ACAP2: variants seen among roughly 807,000 people sequenced by gnomAD.
ACAP2 encodes arf-GAP with coiled-coil, ANK repeat and PH domain-containing protein 2.
Under a neutral mutation model 115.8 loss-of-function variants are expected in ACAP2, and 39 were observed. The ratio of observed to expected loss-of-function variants is 0.34; its 90% CI spans 0.26 to 0.44. The LOEUF (loss-of-function observed/expected upper bound fraction) is 0.44, where lower values mean the gene tolerates loss of function less well. ACAP2 is among the 20% of genes least tolerant of loss of function. ACAP2 has a pLI of 1.00. For missense variants in ACAP2, 662 were observed against 927.6 expected (o/e 0.71, Z 3.72); for synonymous variants, 289 against 315.8 (o/e 0.92, Z 0.90).
At chr3:195,331,443 G>T (rs139912916) in intron 8 of ACAP2, among the ~76,000 whole-genome samples, 3,286 of 151,970 alleles carry the variant, frequency 0.022, 57 homozygotes, top group Non-Finnish European at 0.033. Context: ...CTCCCGAGTA[G>T]CTGGGACTAC....
chr3:195,424,440 G>T (rs569111751), intron 1 of ACAP2, among the ~76,000 whole-genome samples: 2 of 150,380 alleles, frequency 1.3e-5, no homozygotes, highest in Non-Finnish European at 3.0e-5. Context: ...GATTACAGGC[G>T]CCTGCCCACC....
chr3:195,441,640 G>C (rs926120095), intron 1 of ACAP2, among the ~76,000 whole-genome samples: 1 of 152,178 alleles, frequency 6.6e-6, no homozygotes, highest in Non-Finnish European at 1.5e-5. Context: ...TTACAATCCA[G>C]GCTTGGCCCA....
chr3:195,428,557 A>G (rs572230997), intron 1 of ACAP2, among the ~76,000 whole-genome samples: 1 of 152,274 alleles, frequency 6.6e-6, no homozygotes, highest in Admixed American at 6.5e-5. Context: ...AACAAGCTGT[A>G]CAGGTTTGTA....
intron 4 of ACAP2, among the ~76,000 whole-genome samples, chr3:195,377,437 G>A (rs866872504): frequency 4.0e-5 from 6 of 151,730 alleles, no homozygotes; most frequent in African/African-American, 1.5e-4. Context: ...GAGCCACCAC[G>A]CCCAGCCTAC....
At chr3:195,341,321 G>GGT (rs1730853544) in intron 6 of ACAP2, among the ~76,000 whole-genome samples, 2 of 107,046 alleles carry the variant, frequency 1.9e-5, no homozygotes, top group African/African-American at 7.3e-5. Flanking sequence ...TATTGTGTGG[G>GGT]TTTTTTTTTT....
intron 15 of ACAP2, among the ~76,000 whole-genome samples, chr3:195,301,181 G>T (rs1728028246): frequency 6.6e-6 from 1 of 151,896 alleles, no homozygotes; most frequent in Non-Finnish European, 1.5e-5. Context: ...TGCCTCCCGG[G>T]TTCACGCCAT....
intron 1 of ACAP2, among the ~76,000 whole-genome samples, chr3:195,439,191 C>CTT (rs3072388): frequency 0.3 from 40,614 of 133,168 alleles, 7,407 homozygotes; most frequent in East Asian, 0.72. Flanking sequence ...AGGCTAAGGC[C>CTT]TTTTTTTTTT....
intron 4 of ACAP2, among the ~76,000 whole-genome samples, chr3:195,353,256 G>C (rs1422534408): frequency 6.6e-6 from 1 of 152,074 alleles, no homozygotes; most frequent in Non-Finnish European, 1.5e-5. Context: ...CTGAGTCAGA[G>C]TCACCCAACT....
chr3:195,349,275 A>C (rs1266880866), intron 4 of ACAP2, among the ~76,000 whole-genome samples: 2 of 152,152 alleles, frequency 1.3e-5, no homozygotes, highest in African/African-American at 4.8e-5. Context: ...TGAGGTCGGG[A>C]GTTTGAGACC....
chr3:195,325,581 T>C, intron 9 of ACAP2: 1 of 372,512 alleles, frequency 2.7e-6, no homozygotes, highest in East Asian at 7.4e-5. Flanking sequence ...TTAGAGTTAA[T>C]AATTTACCAT....
chr3:195,297,495 TAGA>T (rs1309494043), intron 15 of ACAP2, among the ~76,000 whole-genome samples: 1 of 152,222 alleles, frequency 6.6e-6, no homozygotes, highest in Non-Finnish European at 1.5e-5. Flanking sequence ...TTACCTCTGC[TAGA>T]AGATTATCAC....
chr3:195,417,748 G>A lies in ACAP2; in HGVS notation c.53+25047C>T, dbSNP rs1483463060. On this transcript the variant is annotated intron_variant, in intron 1 of 22. Transcript: ENST00000326793. ...GGATTACCTGAGCCCAGGAGTTCAAGGCCAGCCTGGGCAACATACAGAAAC... is the reference window on the plus strand; with the variant it reads ...GGATTACCTGAGCCCAGGAGTTCAAAGCCAGCCTGGGCAACATACAGAAAC... Among the ~76,000 whole-genome samples the A allele has an allele frequency of 2.6e-5, 4 of 152,180 alleles. No homozygotes were observed. In the South Asian group the frequency reaches 6.2e-4, roughly 24 times the overall value.
chr3:195,431,287 C>T (rs376371198), intron 1 of ACAP2, among the ~76,000 whole-genome samples: 4 of 152,028 alleles, frequency 2.6e-5, no homozygotes, highest in Non-Finnish European at 5.9e-5. Flanking sequence ...TATCCATGTA[C>T]GGACACAGGT....
chr3:195,337,656 C>T (rs1028936710), intron 6 of ACAP2, among the ~76,000 whole-genome samples: 1 of 152,072 alleles, frequency 6.6e-6, no homozygotes, highest in African/African-American at 2.4e-5. Flanking sequence ...CCATGTTGGT[C>T]GGGCTGGTCT....
At chr3:195,289,264 T>C in intron 20 of ACAP2, 33 bp from the exon 21 acceptor site, 1 of 1,502,174 alleles carries the variant, frequency 6.7e-7, no homozygotes, top group Non-Finnish European at 9.1e-7. Flanking sequence ...TGAGATATTG[T>C]CGATAAGAAA....
chr3:195,356,181 C>A (rs774036454), intron 4 of ACAP2: 4 of 455,994 alleles, frequency 8.8e-6, no homozygotes, highest in Non-Finnish European at 1.8e-5. Context: ...GAAGAATCTG[C>A]GCTGCACACG....
At chr3:195,363,241 T>A (rs1732488378) in intron 4 of ACAP2, among the ~76,000 whole-genome samples, 1 of 152,004 alleles carries the variant, frequency 6.6e-6, no homozygotes. Context: ...ACCAAAGAAG[T>A]GAAAGATCTC....
In ACAP2 at chr3:195,359,710, G is replaced by A. The variant is rs201780967; in HGVS notation, c.286-14393C>T. Among the ~76,000 whole-genome samples, 9 of 152,150 alleles carry A rather than the reference G, an allele frequency of 5.9e-5. No homozygotes were observed. In the East Asian group the frequency reaches 1.2e-3, roughly 20 times the overall value. On this transcript the variant is annotated intron_variant, in intron 4 of 22. Transcript: ENST00000326793. Reference sequence around the variant, plus strand: ...TCTCGATCTCCTGCCCTCATGATCCGCCCGCCCCAGCCTCCCAAAGTGCTG... The same window carrying A: ...TCTCGATCTCCTGCCCTCATGATCCACCCGCCCCAGCCTCCCAAAGTGCTG...
intron 22 of ACAP2, among the ~76,000 whole-genome samples, chr3:195,280,297 C>T (rs1347762695): frequency 6.6e-6 from 1 of 152,060 alleles, no homozygotes; most frequent in African/African-American, 2.4e-5. Context: ...CATGATGAAA[C>T]CCTGTCTCTA....
Sources: gnomAD v4.1 joint callset for allele counts (sites outside exome capture counted in the v4.1 genomes callset) on GRCh38, gnomAD v4.1.1 for gene constraint, MANE v1.5 for transcripts, NCBI Gene and HGNC (gene_info 2026-07-23, HGNC 2026-07-21) for gene names.